The following CD274 variants were observed in gnomAD, a reference collection of about 807,000 sequenced individuals.
The protein encoded by CD274 is programmed cell death 1 ligand 1.
A neutral mutation model predicts 30.1 loss-of-function variants in CD274; 8 were observed. That is an observed-to-expected ratio of 0.27 (90% CI 0.16 to 0.48). The LOEUF is 0.48. CD274 is among the 20% of genes least tolerant of loss of function. The pLI is 0.99. For missense variants in CD274, 353 were observed against 346.6 expected (o/e 1.02, Z -0.15); for synonymous variants, 152 against 124.6 (o/e 1.22, Z -1.46).
At position 5,462,975 on chromosome 9, in the gene CD274, C is replaced by G. The variant is rs1288583492; in HGVS notation, c.536C>G (p.Thr179Ser). ...GACCATCAAGTCCTGAGTGGTAAGA[C>G]CACCACCACCAATTCCAAGAGAGAG... ...SSDHQVLSGKTTTTNSKREEK... is the reference protein window; with the variant it reads ...SSDHQVLSGKSTTTNSKREEK... The change falls in exon 4 of 7, where the codon ACC becomes AGC. Residue 179 changes from threonine (T) to serine (S), a missense_variant. Physicochemically the swap from Thr to Ser is moderately conservative, Grantham distance 58. Transcript: ENST00000381577. 6.2e-7 allele frequency: 1 copy of G among 1,613,896 alleles called. No individual in the cohort carries two copies. The highest frequency in any genetic ancestry group is 8.5e-7 in the Non-Finnish European group (1 of 1,179,830).
At chr9:5,457,519 A>C in intron 3 of CD274, 99 bp downstream of exon 3, 1 of 880,946 alleles carries the variant, frequency 1.1e-6, no homozygotes, top group South Asian at 1.7e-5. Flanking sequence ...ATTTTCAAAC[A>C]GAACAGCATA....
chr9:5,453,673 A>G (rs1819247388), intron 1 of CD274, among the ~76,000 whole-genome samples: 1 of 152,258 alleles, frequency 6.6e-6, no homozygotes, highest in African/African-American at 2.4e-5. Flanking sequence ...AATGGGTATT[A>G]AATGTATGAT....
At position 5,468,609 on chromosome 9, in the gene CD274, G is replaced by A. The variant is rs1428476520; in HGVS notation, c.*747G>A. 1.3e-5 allele frequency: 3 copies of A among 232,900 alleles called. No homozygotes were observed. The highest frequency in any genetic ancestry group is 1.7e-5 in the Non-Finnish European group (2 of 117,918). 14.4% of individuals were successfully genotyped at this position (232,900 alleles called of 1,614,324 possible). ...ACCTAATCTTATTCTCAGACCTCAA[G>A]TGTCTGTGCAGTATCTGTTCCATTT... is the stretch of plus-strand genomic sequence containing the variant. On this transcript the variant is annotated 3_prime_UTR_variant, in exon 7 of 7. Transcript: ENST00000381577.
Position 5,463,027 on chromosome 9 carries a change from A to G in CD274, c.588A>G (p.Thr196=), listed in dbSNP as rs1819434042. ...AGAAGCTTTTCAATGTGACCAGCAC[A>G]CTGAGAATCAACACAACAACTAATG... ...REEKLFNVTS[T]LRINTTTNEI... Residue 196 remains threonine (T), a synonymous_variant, in exon 4 of 7, where the codon ACA becomes ACG. Transcript: ENST00000381577. 4 of 1,613,876 alleles carry G rather than the reference A, an allele frequency of 2.5e-6. No homozygotes were observed. In the African/African-American group the frequency reaches 4.0e-5, roughly 16 times the overall value.
At chr9:5,454,675 G>C (rs1819268976) in intron 1 of CD274, among the ~76,000 whole-genome samples, 1 of 151,846 alleles carries the variant, frequency 6.6e-6, no homozygotes. Context: ...TAGTAGGATA[G>C]ATTTCTAGGA....
Position 5,462,825 on chromosome 9 carries a change from A to T in CD274, c.395-9A>T, listed in dbSNP as rs1317949003. ...CAAAAGCCCTGACTTCTTTTTGTTT[A>T]TGTCCTAGCCCCATACAACAAAATC... On this transcript the variant is annotated splice_polypyrimidine_tract_variant and intron_variant, in intron 3 of 6. Transcript: ENST00000381577. 5 of 1,606,734 alleles carry T rather than the reference A, an allele frequency of 3.1e-6. No homozygotes were observed. The East Asian group carries it at 1.1e-4, about 36-fold the overall frequency.
Position 5,467,908 on chromosome 9 carries a change from T to C in CD274, c.*46T>C. 6.4e-7 allele frequency: 1 copy of C among 1,553,018 alleles called. No homozygotes were observed. Among genetic ancestry groups the C allele is most frequent in the East Asian group, 2.2e-5 (1 of 44,548 alleles). ...TCTTCAAGCAGGGATTCTCAACCTG[T>C]GGTTTAGGGGTTCATCGGGGCTGAG... On this transcript the variant is annotated 3_prime_UTR_variant, in exon 7 of 7. Transcript: ENST00000381577.
chr9:5,458,865 A>G (rs1047515965), intron 3 of CD274, among the ~76,000 whole-genome samples: 5 of 152,176 alleles, frequency 3.3e-5, no homozygotes, highest in Non-Finnish European at 7.3e-5. Context: ...TCAGGCATCT[A>G]CTGTGTTCCA....
At chr9:5,461,142 G>A (rs1180664403) in intron 3 of CD274, among the ~76,000 whole-genome samples, 2 of 152,122 alleles carry the variant, frequency 1.3e-5, no homozygotes, top group African/African-American at 4.8e-5. Flanking sequence ...TAATCTTGAG[G>A]TTTGTGTTTT....
chr9:5,465,086 CAA>C (rs1263982025), intron 4 of CD274, among the ~76,000 whole-genome samples: 27 of 84,280 alleles, frequency 3.2e-4, no homozygotes, highest in African/African-American at 4.6e-4. Flanking sequence ...GACTCTGCCT[CAA>C]AAAAAAAAAA....
intron 3 of CD274, among the ~76,000 whole-genome samples, chr9:5,461,784 G>C (rs1426330038): frequency 6.6e-6 from 1 of 152,126 alleles, no homozygotes; most frequent in Non-Finnish European, 1.5e-5. Flanking sequence ...AATCCTGAAA[G>C]GGTCCCAAAC....
Position 5,469,172 on chromosome 9 carries a change from A to G in CD274, c.*1310A>G, listed in dbSNP as rs975066203. 1 of 232,996 alleles carries G rather than the reference A, an allele frequency of 4.3e-6. No individual in the cohort carries two copies. The highest frequency in any genetic ancestry group is 8.5e-6 in the Non-Finnish European group (1 of 117,950). The allele number at this position is 232,996 out of a possible 1,614,324, so 14.4% of individuals were successfully genotyped here. A position where few individuals can be genotyped will look rare whatever the true frequency, so the allele number is the denominator to read the frequency against. ...AGGTCGGTACTTAAAATAACCCTGAAAAATAACACTGGAATTCCTTTTCTA... is the reference window on the plus strand; with the variant it reads ...AGGTCGGTACTTAAAATAACCCTGAGAAATAACACTGGAATTCCTTTTCTA... On this transcript the variant is annotated 3_prime_UTR_variant, in exon 7 of 7. Coordinates refer to ENST00000381577, the MANE Select transcript of CD274 (RefSeq NM_014143.4).
intron 1 of CD274, among the ~76,000 whole-genome samples, chr9:5,454,571 A>G (rs926797389): frequency 6.6e-6 from 1 of 152,156 alleles, no homozygotes; most frequent in African/African-American, 2.4e-5. Flanking sequence ...CACTTAGACA[A>G]TCTAGGATAT....
At chr9:5,460,757 A>C (rs533908856) in intron 3 of CD274, among the ~76,000 whole-genome samples, 45 of 152,322 alleles carry the variant, frequency 3.0e-4, no homozygotes, top group Non-Finnish European at 6.0e-4. Flanking sequence ...TGATTGTCCA[A>C]CATTAGTATA....
chr9:5,454,721 T>C (rs547715837), intron 1 of CD274, among the ~76,000 whole-genome samples: 2 of 152,124 alleles, frequency 1.3e-5, no homozygotes, highest in Non-Finnish European at 2.9e-5. Flanking sequence ...GCATTTACGA[T>C]TGTAATAGGA....
chr9:5,469,540 T>G lies in CD274; in HGVS notation c.*1678T>G, dbSNP rs994918916. ...CACATTGTATGTCTGCTGTGTACTT[T>G]GCTATTTTTATTTATTTTAGTGTTT... On this transcript the variant is annotated 3_prime_UTR_variant, in exon 7 of 7. Coordinates refer to ENST00000381577, the MANE Select transcript of CD274 (RefSeq NM_014143.4). The G allele has an allele frequency of 5.2e-5, 12 of 231,828 alleles. No homozygotes were observed. Among genetic ancestry groups the G allele is most frequent in the Non-Finnish European group, 8.5e-5 (10 of 117,190 alleles). 14.4% of individuals were successfully genotyped at this position (231,828 alleles called of 1,614,324 possible).
intron 5 of CD274, 48 bp downstream of exon 5, chr9:5,465,654 G>A (rs2131230583): frequency 8.8e-7 from 1 of 1,136,078 alleles, no homozygotes; most frequent in Non-Finnish European, 1.3e-6. Flanking sequence ...TGAGGAAGGG[G>A]TGAGAATTGG....
At position 5,469,675 on chromosome 9, in the gene CD274, G is replaced by A. The variant is rs544937097; in HGVS notation, c.*1813G>A. ...TTTTCATTATCTTTCATATGATCCA[G>A]TATATGTTAAATATGTCCTACATAT... is the stretch of plus-strand genomic sequence containing the variant. On this transcript the variant is annotated 3_prime_UTR_variant, in exon 7 of 7. Coordinates refer to ENST00000381577, the MANE Select transcript of CD274 (RefSeq NM_014143.4). 18 of 232,156 alleles carry A rather than the reference G, an allele frequency of 7.8e-5. No individual in the cohort carries two copies. Among genetic ancestry groups the A allele is most frequent in the Admixed American group, 2.3e-4 (4 of 17,744 alleles). The allele number at this position is 232,156 out of a possible 1,614,324, so 14.4% of individuals were successfully genotyped here. A position where few individuals can be genotyped will look rare whatever the true frequency, so the allele number is the denominator to read the frequency against.
chr9:5,462,706 C>T, intron 3 of CD274, 128 bp from the exon 4 acceptor site: 1 of 796,976 alleles, frequency 1.3e-6, no homozygotes, highest in Admixed American at 2.6e-5. Flanking sequence ...GCTGAGGCAT[C>T]TGAACATTAA....
Sources: gnomAD v4.1 joint callset for allele counts (sites outside exome capture counted in the v4.1 genomes callset) on GRCh38, gnomAD v4.1.1 for gene constraint, MANE v1.5 for transcripts, NCBI Gene and HGNC (gene_info 2026-07-23, HGNC 2026-07-21) for gene names.